Variants in TSPAN7 observed in about 807,000 individuals in gnomAD.
TSPAN7 encodes the protein tetraspanin-7.
Under a neutral mutation model 17.6 loss-of-function variants are expected in TSPAN7, and 1 was observed. The ratio of observed to expected loss-of-function variants is 0.06; its 90% CI spans 0.02 to 0.27. The LOEUF (loss-of-function observed/expected upper bound fraction) is 0.27. Among genes scored for constraint, TSPAN7 ranks in the 10% least tolerant of loss-of-function variants. The probability of loss-of-function intolerance (pLI) is 1.00; values close to 1 mark genes in which losing one functional copy is unlikely to be tolerated. For synonymous variants in TSPAN7, 78 were observed against 79.0 expected, an observed-to-expected ratio of 0.99 and a Z score of 0.07; for missense variants, 112 against 201.7, an observed-to-expected ratio of 0.56 and a Z score of 2.69.
chrX:38,646,525 G>A (rs1305140049), intron 1 of TSPAN7, among the ~76,000 whole-genome samples: 1 of 112,079 alleles, frequency 8.9e-6, no homozygotes, highest in Non-Finnish European at 1.9e-5. Flanking sequence ...GAGAAAGTGC[G>A]TTCGCAATTA....
At chrX:38,569,362 G>T in intron 1 of TSPAN7, among the ~76,000 whole-genome samples, 1 of 109,960 alleles carries the variant, frequency 9.1e-6, no homozygotes, top group Non-Finnish European at 1.9e-5. Context: ...TTAAGCTCCT[G>T]TTTCCAGTGT....
At chrX:38,650,112 A>G (rs1345327330) in intron 1 of TSPAN7, among the ~76,000 whole-genome samples, 3 of 112,011 alleles carry the variant, frequency 2.7e-5, no homozygotes, top group African/African-American at 6.5e-5. Context: ...CTGATGTGCA[A>G]GAGAAGTACA....
chrX:38,567,566 CT>C (rs1218976250), intron 1 of TSPAN7, among the ~76,000 whole-genome samples: 8 of 112,338 alleles, frequency 7.1e-5, no homozygotes, highest in East Asian at 2.8e-4. Context: ...CAGGCACATA[CT>C]TTAGTTTATA....
intron 1 of TSPAN7, among the ~76,000 whole-genome samples, chrX:38,614,114 A>G (rs774360807): frequency 9.0e-6 from 1 of 110,661 alleles, no homozygotes; most frequent in African/African-American, 3.3e-5. Context: ...TTAAAAAACA[A>G]TTCCTTTACG....
chrX:38,651,050 C>CATATATATATATATATAT lies in TSPAN7; in HGVS notation c.82-15065_82-15048dup, dbSNP rs34201318. On this transcript the variant is annotated intron_variant, in intron 1 of 7. Coordinates refer to ENST00000378482, the MANE Select transcript of TSPAN7 (RefSeq NM_004615.4). ...TATTTCATTATCAGAAATGTGATTA[C>CATATATATATATATATAT]ATATATATATATATATATATATAGT... 2.7e-3 allele frequency among the ~76,000 whole-genome samples: 268 copies of CATATATATATATATATAT among 98,064 alleles called. 2 individuals are homozygous for CATATATATATATATATAT. The highest frequency in any genetic ancestry group is 9.8e-3 in the African/African-American group (258 of 26,319). The allele number at this position is 98,064 out of a possible 115,157, so 85.2% of individuals were successfully genotyped here.
chrX:38,637,516 T>C (rs1161093847), intron 1 of TSPAN7, among the ~76,000 whole-genome samples: 2 of 112,408 alleles, frequency 1.8e-5, no homozygotes, highest in African/African-American at 6.5e-5. Flanking sequence ...TTTTCCTTCA[T>C]GTGCTGCTTA....
intron 1 of TSPAN7, among the ~76,000 whole-genome samples, chrX:38,597,725 C>T (rs997695295): frequency 1.8e-5 from 2 of 111,222 alleles, no homozygotes; most frequent in African/African-American, 6.5e-5. Context: ...AACATAAGTG[C>T]TGTGAATATT....
intron 1 of TSPAN7, among the ~76,000 whole-genome samples, chrX:38,646,765 G>A (rs1222395074): frequency 1.8e-5 from 2 of 112,167 alleles, no homozygotes; most frequent in African/African-American, 6.5e-5. Context: ...TTAAAATTCT[G>A]CCTTTAAGAA....
intron 1 of TSPAN7, among the ~76,000 whole-genome samples, chrX:38,589,788 A>G (rs756159529): frequency 8.9e-6 from 1 of 112,192 alleles, no homozygotes; most frequent in East Asian, 2.8e-4. Context: ...CTACCAATCC[A>G]TTGTTTTTGT....
At chrX:38,583,049 T>C (rs749719286) in intron 1 of TSPAN7, among the ~76,000 whole-genome samples, 7 of 112,258 alleles carry the variant, frequency 6.2e-5, no homozygotes, top group Non-Finnish European at 1.1e-4. Context: ...ATCCCATCCA[T>C]TCTGTTGAAA....
At chrX:38,596,649 T>C (rs756890086) in intron 1 of TSPAN7, among the ~76,000 whole-genome samples, 5 of 111,281 alleles carry the variant, frequency 4.5e-5, no homozygotes, top group African/African-American at 1.6e-4. Context: ...TAGTTAGAAA[T>C]GCAGAATCCT....
intron 1 of TSPAN7, among the ~76,000 whole-genome samples, chrX:38,605,792 C>A (rs1183485320): frequency 9.1e-6 from 1 of 109,847 alleles, no homozygotes; most frequent in African/African-American, 3.3e-5. Flanking sequence ...ACAAACCTGA[C>A]AAAAACAAGC....
chrX:38,633,688 G>A (rs2069563351), intron 1 of TSPAN7, among the ~76,000 whole-genome samples: 1 of 111,946 alleles, frequency 8.9e-6, no homozygotes, highest in African/African-American at 3.2e-5. Context: ...ACTTCTTATC[G>A]GGTTTCACAG....
Position 38,688,201 on chromosome X carries a change from C to G in TSPAN7, c.*270C>G, listed in dbSNP as rs1371322926. ...CCCTGCAGCTAGTCCTAGTGAACCT[C>G]ACCCCGAGGCCCTGCATGGGCCAGC... On this transcript the variant is annotated 3_prime_UTR_variant, in exon 8 of 8. Coordinates refer to ENST00000378482, the MANE Select transcript of TSPAN7 (RefSeq NM_004615.4). The G allele has an allele frequency of 1.8e-5, 2 of 113,067 alleles. No homozygotes were observed. The highest frequency in any genetic ancestry group is 6.5e-5 in the African/African-American group (2 of 30,969). 9.3% of individuals were successfully genotyped at this position (113,067 alleles called of 1,213,427 possible).
intron 1 of TSPAN7, among the ~76,000 whole-genome samples, chrX:38,661,548 G>T (rs1190736313): frequency 2.7e-5 from 3 of 112,142 alleles, no homozygotes; most frequent in Non-Finnish European, 5.6e-5. Context: ...GGCTGGGCCT[G>T]CCATCCTGGC....
At chrX:38,577,124 A>G (rs180755527) in intron 1 of TSPAN7, among the ~76,000 whole-genome samples, 1 of 111,977 alleles carries the variant, frequency 8.9e-6, no homozygotes, top group Non-Finnish European at 1.9e-5. Flanking sequence ...TTCTGTGCTT[A>G]AAGAGCATGG....
intron 3 of TSPAN7, among the ~76,000 whole-genome samples, chrX:38,673,364 C>CTTTTTT (rs1173827469): frequency 8.1e-5 from 7 of 85,953 alleles, no homozygotes; most frequent in Non-Finnish European, 1.4e-4. Context: ...GTTTTGTTAA[C>CTTTTTT]TTTTTTTTTT....
At chrX:38,577,928 A>G (rs1026967540) in intron 1 of TSPAN7, among the ~76,000 whole-genome samples, 1 of 110,620 alleles carries the variant, frequency 9.0e-6, no homozygotes, top group Non-Finnish European at 1.9e-5. Context: ...CCTGGTCACT[A>G]GACTGTGTAG....
intron 1 of TSPAN7, among the ~76,000 whole-genome samples, chrX:38,663,176 CACACAG>C (rs1429980017): frequency 1.9e-5 from 2 of 106,891 alleles, no homozygotes; most frequent in Non-Finnish European, 3.8e-5. Flanking sequence ...CACACACACA[CACACAG>C]ACACACACAC....
Sources: allele counts gnomAD v4.1 joint callset (sites outside exome capture counted in the v4.1 genomes callset), GRCh38; gene constraint gnomAD v4.1.1; transcripts MANE v1.5; gene names NCBI Gene and HGNC (gene_info 2026-07-23, HGNC 2026-07-21).